Variants in CLTCL1 observed in about 807,000 individuals in gnomAD.
CLTCL1 encodes clathrin heavy chain like 1.
A neutral mutation model predicts 190.0 loss-of-function variants in CLTCL1; 159 were observed. The observed-to-expected ratio is 0.84, with a 90% CI of 0.74 to 0.95. The LOEUF (loss-of-function observed/expected upper bound fraction) is 0.95. Ranked by LOEUF, CLTCL1 falls within the 40% of genes least tolerant of loss-of-function variation. The pLI, the probability that CLTCL1 is intolerant of heterozygous loss-of-function variation, is 0.00. For synonymous variants in CLTCL1, 752 were observed against 769.6 expected (o/e 0.98, Z 0.38); for missense variants, 1,878 against 2,033.4 (o/e 0.92, Z 1.47).
At chr22:19,272,451 T>C (rs1456573557) in intron 2 of CLTCL1, among the ~76,000 whole-genome samples, 1 of 152,126 alleles carries the variant, frequency 6.6e-6, no homozygotes, top group East Asian at 1.9e-4. Context: ...TAATTTTTTT[T>C]TGAGACAGAG....
Position 19,221,422 on chromosome 22 carries a change from G to A in CLTCL1, c.2751C>T (p.Ala917=), listed in dbSNP as rs1266955778. 20 of 1,561,306 alleles carry A rather than the reference G, an allele frequency of 1.3e-5. No homozygotes were observed. The African/African-American group carries it at 2.6e-4, about 20-fold the overall frequency. The part of the protein sequence containing the change: ...RYCEKRDPHL[A]CVAYERGQCD... ...ACTGCCCCCGCTCATAGGCAACACA[G>A]GCCAGATGGGGGTCTCGCTTCTCAC... Residue 917 remains alanine (A), a synonymous_variant, in exon 17 of 33, where the codon GCC becomes GCT. Coordinates refer to ENST00000427926, the MANE Select transcript of CLTCL1 (RefSeq NM_007098.4).
intron 2 of CLTCL1, among the ~76,000 whole-genome samples, chr22:19,261,199 G>A (rs897075993): frequency 1.8e-4 from 27 of 151,390 alleles, no homozygotes; most frequent in Middle Eastern, 3.4e-3. Context: ...TGCAAGCTCC[G>A]CCTCCCGGGT....
intron 3 of CLTCL1, among the ~76,000 whole-genome samples, chr22:19,246,546 G>C (rs529961156): frequency 6.6e-6 from 1 of 151,612 alleles, no homozygotes; most frequent in East Asian, 1.9e-4. Flanking sequence ...GCGCGATCTC[G>C]GCTCACTTCA....
intron 13 of CLTCL1, among the ~76,000 whole-genome samples, chr22:19,224,971 CAAG>C (rs2085693664): frequency 6.6e-6 from 1 of 152,132 alleles, no homozygotes; most frequent in Admixed American, 6.5e-5. Context: ...GTGTGATGTC[CAAG>C]AAGGGGAAAG....
At chr22:19,278,372 A>G (rs1262030592) in intron 1 of CLTCL1, among the ~76,000 whole-genome samples, 16 of 152,194 alleles carry the variant, frequency 1.1e-4, no homozygotes, top group African/African-American at 3.4e-4. Flanking sequence ...AAGCACCAAG[A>G]GAGACCGTGA....
intron 2 of CLTCL1, among the ~76,000 whole-genome samples, chr22:19,271,113 ACT>A: frequency 6.6e-6 from 1 of 151,966 alleles, no homozygotes; most frequent in South Asian, 2.1e-4. Flanking sequence ...CTCAGTGCCA[ACT>A]CTGCCGCACA....
intron 23 of CLTCL1, 51 bp from the exon 24 acceptor site, chr22:19,199,892 A>G: frequency 3.2e-6 from 4 of 1,240,438 alleles, no homozygotes; most frequent in Non-Finnish European, 4.5e-6. Context: ...ACACAGCACC[A>G]CAGCAGCTGA....
At chr22:19,280,934 G>C (rs890686249) in intron 1 of CLTCL1, among the ~76,000 whole-genome samples, 1 of 151,958 alleles carries the variant, frequency 6.6e-6, no homozygotes, top group Non-Finnish European at 1.5e-5. Context: ...GATGGGGTTG[G>C]GGGGAGGAGT....
chr22:19,195,448 C>T (rs939561227), intron 26 of CLTCL1, among the ~76,000 whole-genome samples: 2 of 152,214 alleles, frequency 1.3e-5, no homozygotes, highest in East Asian at 1.9e-4. Flanking sequence ...GTGCCACTCG[C>T]GCCCACCCTC....
Position 19,201,335 on chromosome 22 carries a change from C to G in CLTCL1, c.3759G>C (p.Trp1253Cys). 6.2e-7 allele frequency: 1 copy of G among 1,610,598 alleles called. No individual in the cohort carries two copies. Among genetic ancestry groups the G allele is most frequent in the East Asian group, 2.2e-5 (1 of 44,810 alleles). The change falls in exon 23 of 33, where the codon TGG becomes TGC. Residue 1253 changes from tryptophan to cysteine, a missense_variant. Coordinates refer to ENST00000427926, the MANE Select transcript of CLTCL1 (RefSeq NM_007098.4). ...GCAGTTGCCCGCAGCTCACCTCCTT[C>G]CACGTCCGGGTGCTGCTGGCCTTGC... ...NSRKASSTRT[W>C]KEVCFACMDG... is the part of the protein sequence containing the mutation.
At chr22:19,219,852 A>T (rs1555951367) in intron 18 of CLTCL1, 33 bp downstream of exon 18, 2 of 1,611,484 alleles carry the variant, frequency 1.2e-6, no homozygotes, top group South Asian at 2.2e-5. Context: ...GGCAAAATGC[A>T]GGTGTGCAGA....
In CLTCL1 at chr22:19,183,519, G is replaced by A. The variant is rs560109073; in HGVS notation, c.4698C>T (p.Phe1566=). 26 of 1,613,792 alleles carry A rather than the reference G, an allele frequency of 1.6e-5. No individual in the cohort carries two copies. The highest frequency in any genetic ancestry group is 1.3e-4 in the East Asian group (6 of 44,882). ...CATAGCAGGTGAAGAGACAAGCTGC[G>A]AAGCACTCCCTCTTGCCTTCCTCCA... The part of the protein sequence containing the change: ...WFLEEGKREC[F]AACLFTCYDL... The change falls in exon 30 of 33, where the codon TTC becomes TTT. Residue 1566 remains phenylalanine (F), a synonymous_variant. Coordinates refer to ENST00000427926, the MANE Select transcript of CLTCL1 (RefSeq NM_007098.4).
In CLTCL1 at chr22:19,179,872, C is replaced by A. The variant is rs738904; in HGVS notation, c.*118G>T. The A allele has an allele frequency of 0.4, 151,274 of 373,600 alleles. 32,765 individuals are homozygous for A. The highest frequency in any genetic ancestry group is 0.55 in the South Asian group (14,553 of 26,640). 23.1% of individuals were successfully genotyped at this position (373,600 alleles called of 1,614,324 possible). On this transcript the variant is annotated 3_prime_UTR_variant, in exon 33 of 33. Coordinates refer to ENST00000427926, the MANE Select transcript of CLTCL1 (RefSeq NM_007098.4). ...GCAGGTAGGGTGGGTGGTGACAACG[C>A]CCACTACACGCGGAAGTTGTACATT...
In CLTCL1 at chr22:19,198,855, C is replaced by T. The variant is rs2084790995; in HGVS notation, c.3873+879G>A. On this transcript the variant is annotated intron_variant, in intron 24 of 32. Coordinates refer to ENST00000427926, the MANE Select transcript of CLTCL1 (RefSeq NM_007098.4). This position sits in a 1 kb window ranked among gnomAD's most constrained non-coding sequence, Gnocchi z 4.1. Reference sequence around the variant, plus strand: ...CTGACACAATTATTGAGAATAATGCCTAGCACACAGTAAGTACTCAAAGAT... The same window carrying T: ...CTGACACAATTATTGAGAATAATGCTTAGCACACAGTAAGTACTCAAAGAT... 6.6e-6 allele frequency among the ~76,000 whole-genome samples: 1 copy of T among 152,328 alleles called. No homozygotes were observed. Among genetic ancestry groups the T allele is most frequent in the African/African-American group, 2.4e-5 (1 of 41,558 alleles).
chr22:19,253,024 A>AG (rs1356185319), intron 3 of CLTCL1, among the ~76,000 whole-genome samples: 2 of 152,038 alleles, frequency 1.3e-5, no homozygotes, highest in African/African-American at 4.8e-5. Flanking sequence ...AAAAAAAAAA[A>AG]AAAAAAAAGG....
chr22:19,233,093 A>C, intron 9 of CLTCL1, 73 bp downstream of exon 9: 1 of 1,504,398 alleles, frequency 6.6e-7, no homozygotes, highest in Non-Finnish European at 9.1e-7. Flanking sequence ...GGTATTTTAT[A>C]AACTTTAAAA....
intron 2 of CLTCL1, among the ~76,000 whole-genome samples, chr22:19,266,152 G>A (rs566460195): frequency 6.6e-6 from 1 of 152,124 alleles, no homozygotes; most frequent in Admixed American, 6.6e-5. Context: ...CAAAGTGCTG[G>A]GATTACAGGT....
chr22:19,192,568 T>C (rs1293720695), intron 26 of CLTCL1, among the ~76,000 whole-genome samples: 1 of 152,218 alleles, frequency 6.6e-6, no homozygotes, highest in African/African-American at 2.4e-5. Flanking sequence ...TGATCACCAC[T>C]GGAGCCTCCA....
intron 18 of CLTCL1, among the ~76,000 whole-genome samples, chr22:19,219,016 C>T (rs1254748578): frequency 1.3e-5 from 2 of 152,146 alleles, no homozygotes; most frequent in African/African-American, 4.8e-5. Flanking sequence ...TCTTCCTGGG[C>T]TGCATATCCC....
Sources: gnomAD v4.1 joint callset for allele counts (sites outside exome capture counted in the v4.1 genomes callset) on GRCh38, gnomAD v4.1.1 for gene constraint, Gnocchi (gnomAD v3.1) non-coding constraint, MANE v1.5 for transcripts, NCBI Gene and HGNC (gene_info 2026-07-23, HGNC 2026-07-21) for gene names.